Variants in PALLD observed in about 807,000 individuals in gnomAD.
The protein encoded by PALLD is palladin, cytoskeletal associated protein.
PALLD carries 61 observed loss-of-function variants against 123.5 expected under a neutral mutation model. The ratio of observed to expected loss-of-function variants is 0.49; its 90% CI spans 0.40 to 0.61. The LOEUF is 0.61. PALLD is among the 20% of genes least tolerant of loss of function. The pLI is 0.00. For missense variants in PALLD, 1,273 were observed against 1,377.0 expected (o/e 0.92, Z 1.20); for synonymous variants, 465 against 496.4 (o/e 0.94, Z 0.84).
At chr4:168,905,605 A>G (rs1449700041) in intron 15 of PALLD, among the ~76,000 whole-genome samples, 3 of 152,128 alleles carry the variant, frequency 2.0e-5, no homozygotes, top group Admixed American at 6.5e-5. Flanking sequence ...GAGCACAGCA[A>G]ACTCTTCACT....
At chr4:168,604,810 A>C (rs1019581172) in intron 2 of PALLD, among the ~76,000 whole-genome samples, 1 of 152,252 alleles carries the variant, frequency 6.6e-6, no homozygotes, top group Admixed American at 6.5e-5. Flanking sequence ...AATGCCTGGC[A>C]GACTCAGTCC....
chr4:168,543,270 T>C (rs772275815), intron 2 of PALLD, among the ~76,000 whole-genome samples: 2 of 152,064 alleles, frequency 1.3e-5, no homozygotes, highest in Non-Finnish European at 2.9e-5. Flanking sequence ...AGATAGAAAG[T>C]AATTAGGATA....
At chr4:168,557,034 T>C (rs1431858536) in intron 2 of PALLD, among the ~76,000 whole-genome samples, 1 of 60,626 alleles carries the variant, frequency 1.6e-5, no homozygotes, top group Non-Finnish European at 3.5e-5. Context: ...TCCACTTGTT[T>C]TTGTTTTGTT....
At chr4:168,589,064 G>A (rs944056394) in intron 2 of PALLD, among the ~76,000 whole-genome samples, 2 of 152,190 alleles carry the variant, frequency 1.3e-5, no homozygotes, top group Admixed American at 6.5e-5. Flanking sequence ...AAAGTCAAGC[G>A]GGCTATTGTC....
intron 15 of PALLD, among the ~76,000 whole-genome samples, chr4:168,905,780 GCTTTT>G (rs1308389107): frequency 3.0e-5 from 4 of 135,334 alleles, no homozygotes; most frequent in Non-Finnish European, 6.3e-5. Context: ...AGCGGAACTT[GCTTTT>G]TTTTCTTTTT....
At chr4:168,714,853 T>G (rs1356054538) in intron 10 of PALLD, among the ~76,000 whole-genome samples, 1 of 149,232 alleles carries the variant, frequency 6.7e-6, no homozygotes, top group Non-Finnish European at 1.5e-5. Context: ...AAGATCATTT[T>G]CAAAAAAAAA....
At chr4:168,571,384 A>C (rs1350634624) in intron 2 of PALLD, among the ~76,000 whole-genome samples, 1 of 152,118 alleles carries the variant, frequency 6.6e-6, no homozygotes, top group Non-Finnish European at 1.5e-5. Context: ...TTATCAATCA[A>C]ATTTATCTGC....
At chr4:168,527,912 T>A (rs1764224316) in intron 2 of PALLD, among the ~76,000 whole-genome samples, 1 of 152,170 alleles carries the variant, frequency 6.6e-6, no homozygotes, top group Non-Finnish European at 1.5e-5. Flanking sequence ...CTAAGTCAAA[T>A]GAAGGTCTCC....
At chr4:168,908,412 C>A (rs1758252957) in intron 15 of PALLD, among the ~76,000 whole-genome samples, 1 of 152,154 alleles carries the variant, frequency 6.6e-6, no homozygotes, top group Non-Finnish European at 1.5e-5. Flanking sequence ...AGCTTTACAA[C>A]ATCTATTACC....
At chr4:168,766,848 C>A (rs1307967517) in intron 10 of PALLD, among the ~76,000 whole-genome samples, 2 of 152,152 alleles carry the variant, frequency 1.3e-5, no homozygotes, top group African/African-American at 4.8e-5. Flanking sequence ...CCTGTAACTG[C>A]CAGCTATTGG....
chr4:168,924,203 T>C, intron 18 of PALLD, 52 bp from the exon 19 acceptor site: 1 of 1,514,218 alleles, frequency 6.6e-7, no homozygotes, highest in African/African-American at 1.4e-5. Context: ...GAATTCTTTC[T>C]AGTGCTCCTT....
At chr4:168,807,049 C>G (rs981524135) in intron 10 of PALLD, among the ~76,000 whole-genome samples, 1 of 152,136 alleles carries the variant, frequency 6.6e-6, no homozygotes. Context: ...AACCACAACA[C>G]TTCAATACCC....
intron 11 of PALLD, among the ~76,000 whole-genome samples, chr4:168,891,323 T>G (rs1005856387): frequency 6.6e-6 from 1 of 152,108 alleles, no homozygotes; most frequent in Non-Finnish European, 1.5e-5. Flanking sequence ...CCACCATGCC[T>G]GGCTAATTTT....
rs914740660 is a variant in PALLD, at chr4:168,586,378, A to G, written c.908+73966A>G. ...TTTACACACCTTGTTACACCTCACA[A>G]TTGAGCCTCAACTTGAGATTCCCTT... On this transcript the variant is annotated intron_variant, in intron 2 of 21. Transcript: ENST00000505667. 2.0e-5 allele frequency among the ~76,000 whole-genome samples: 3 copies of G among 152,242 alleles called. No homozygotes were observed. In the South Asian group the frequency reaches 6.2e-4, roughly 32 times the overall value.
intron 10 of PALLD, among the ~76,000 whole-genome samples, chr4:168,748,187 AG>A (rs1356609602): frequency 6.6e-6 from 1 of 152,274 alleles, no homozygotes; most frequent in Non-Finnish European, 1.5e-5. Flanking sequence ...AAAACACATT[AG>A]TAGACATCAA....
chr4:168,712,148 G>C, intron 10 of PALLD: 2 of 587,598 alleles, frequency 3.4e-6, no homozygotes, highest in Non-Finnish European at 6.0e-6. Context: ...GCTATAACTG[G>C]TTATGGCTGT....
chr4:168,793,442 A>G (rs1269746184), intron 10 of PALLD, among the ~76,000 whole-genome samples: 1 of 151,714 alleles, frequency 6.6e-6, no homozygotes, highest in East Asian at 1.9e-4. Context: ...CTTTACCTGA[A>G]TACTAGTTAA....
At chr4:168,894,307 T>C in intron 11 of PALLD, 1 of 470,856 alleles carries the variant, frequency 2.1e-6, no homozygotes, top group Non-Finnish European at 3.9e-6. Context: ...ACAAATCTTT[T>C]CTGTGTGGTT....
intron 10 of PALLD, among the ~76,000 whole-genome samples, chr4:168,720,193 A>G (rs1785855447): frequency 6.6e-6 from 1 of 152,230 alleles, no homozygotes; most frequent in African/African-American, 2.4e-5. Context: ...GCATACACAT[A>G]TACACAAAAT....
Sources: gnomAD v4.1 joint callset for allele counts (sites outside exome capture counted in the v4.1 genomes callset) on GRCh38, gnomAD v4.1.1 for gene constraint, MANE v1.5 for transcripts, NCBI Gene and HGNC (gene_info 2026-07-23, HGNC 2026-07-21) for gene names.